Variants in SLC24A2 observed in about 807,000 individuals in gnomAD.
The protein encoded by SLC24A2 is solute carrier family 24 member 2, also known as sodium/potassium/calcium exchanger 2.
SLC24A2 carries 36 observed loss-of-function variants against 62.0 expected under a neutral mutation model. The observed-to-expected ratio is 0.58, with a 90% CI of 0.44 to 0.77. SLC24A2 has a LOEUF of 0.77. Among genes scored for constraint, SLC24A2 ranks in the 30% least tolerant of loss-of-function variants. The pLI, the probability that SLC24A2 is intolerant of heterozygous loss-of-function variation, is 0.00. For missense variants in SLC24A2, 846 were observed against 817.9 expected (o/e 1.03, Z -0.42); for synonymous variants, 358 against 294.0 (o/e 1.22, Z -2.23).
the SLC24A2 span, among the ~76,000 whole-genome samples, chr9:20,286,760 T>C: frequency 6.6e-6 from 1 of 152,144 alleles, no homozygotes; most frequent in Non-Finnish European, 1.5e-5. Context: ...TTGATAATAA[T>C]GCCAGGACAG....
At chr9:19,690,918 TGAGA>T (rs3086331) in intron 2 of SLC24A2, among the ~76,000 whole-genome samples, 57,174 of 150,968 alleles carry the variant, frequency 0.38, 13,099 homozygotes, top group East Asian at 0.73. Context: ...TGTGTGCGTG[TGAGA>T]GAGAGAGAGA....
chr9:20,081,468 G>A, the SLC24A2 span, among the ~76,000 whole-genome samples: 16 of 123,228 alleles, frequency 1.3e-4, no homozygotes, highest in Non-Finnish European at 3.3e-5. Flanking sequence ...TCAGACACTG[G>A]GGCTTGTTGA....
intron 2 of SLC24A2, among the ~76,000 whole-genome samples, chr9:19,659,944 C>T (rs910295906): frequency 6.6e-6 from 1 of 152,148 alleles, no homozygotes; most frequent in African/African-American, 2.4e-5. Flanking sequence ...CTGGACAGTA[C>T]CCTCATTTTT....
At chr9:19,793,828 C>T (rs903321500), upstream of SLC24A2, among the ~76,000 whole-genome samples, 1 of 152,186 alleles carries the variant, frequency 6.6e-6, no homozygotes, top group African/African-American at 2.4e-5. Flanking sequence ...TAGATTTCTT[C>T]TACCAACAGC....
At chr9:20,026,481 G>A in the SLC24A2 span, among the ~76,000 whole-genome samples, 12 of 152,148 alleles carry the variant, frequency 7.9e-5, no homozygotes, top group Non-Finnish European at 1.5e-4. Context: ...CTCTTTAAGA[G>A]AGGAAATAAA....
the SLC24A2 span, among the ~76,000 whole-genome samples, chr9:19,880,470 C>T: frequency 0.83 from 126,754 of 152,140 alleles, 53,964 homozygotes; most frequent in Non-Finnish European, 0.94. Context: ...GTCATGGCCA[C>T]GGAAGTGGGG....
At chr9:19,840,548 ACAGATATTC>A in the SLC24A2 span, among the ~76,000 whole-genome samples, 206 of 152,348 alleles carry the variant, frequency 1.4e-3, 1 homozygote, top group Non-Finnish European at 2.7e-3. Flanking sequence ...GGTTTAATGA[ACAGATATTC>A]ATCAAATTGG....
the SLC24A2 span, among the ~76,000 whole-genome samples, chr9:19,802,372 G>C: frequency 3.2e-3 from 489 of 152,136 alleles, 1 homozygote; most frequent in African/African-American, 0.011. Context: ...ATATTATATT[G>C]TTTTAAAAAT....
At chr9:20,013,911 CA>C in the SLC24A2 span, among the ~76,000 whole-genome samples, 1 of 152,066 alleles carries the variant, frequency 6.6e-6, no homozygotes, top group Non-Finnish European at 1.5e-5. Context: ...TGGTGTTTAT[CA>C]AAAAGATAAA....
chr9:19,525,829 T>C (rs75354517), intron 9 of SLC24A2, among the ~76,000 whole-genome samples: 3,770 of 151,478 alleles, frequency 0.025, 156 homozygotes, highest in African/African-American at 0.088. Flanking sequence ...CTTGGATTAG[T>C]TTCAAACAAG....
chr9:19,864,215 G>T, the SLC24A2 span, among the ~76,000 whole-genome samples: 3 of 151,800 alleles, frequency 2.0e-5, no homozygotes, highest in African/African-American at 7.2e-5. Context: ...AGAAAAGCCT[G>T]ACTCAATGGT....
At chr9:19,835,115 A>C in the SLC24A2 span, among the ~76,000 whole-genome samples, 2 of 152,224 alleles carry the variant, frequency 1.3e-5, no homozygotes, top group Non-Finnish European at 2.9e-5. Context: ...CAGCCACTGC[A>C]AAAACATGCC....
chr9:20,201,492 G>C, the SLC24A2 span, among the ~76,000 whole-genome samples: 1 of 152,160 alleles, frequency 6.6e-6, no homozygotes. Flanking sequence ...TCGACAATTT[G>C]AGATAGAGAA....
At chr9:20,227,692 T>C in the SLC24A2 span, among the ~76,000 whole-genome samples, 7 of 152,112 alleles carry the variant, frequency 4.6e-5, no homozygotes, top group East Asian at 1.2e-3. Context: ...CAGAACAGTC[T>C]AGGCAGCCAA....
At chr9:20,048,733 C>G in the SLC24A2 span, among the ~76,000 whole-genome samples, 92 of 151,702 alleles carry the variant, frequency 6.1e-4, no homozygotes, top group Admixed American at 1.9e-3. Flanking sequence ...TCAAGTAATT[C>G]CTTTTAGTAC....
At chr9:20,288,184 C>A in the SLC24A2 span, among the ~76,000 whole-genome samples, 1 of 152,112 alleles carries the variant, frequency 6.6e-6, no homozygotes, top group South Asian at 2.1e-4. Flanking sequence ...ATCACCTGGG[C>A]AGGGGCAGGG....
At chr9:19,774,619 C>A (rs1822790275) in intron 2 of SLC24A2, among the ~76,000 whole-genome samples, 1 of 152,166 alleles carries the variant, frequency 6.6e-6, no homozygotes, top group Non-Finnish European at 1.5e-5. Context: ...AAAAACGGTG[C>A]TTCAGGTTTT....
At chr9:20,090,370 G>A in the SLC24A2 span, among the ~76,000 whole-genome samples, 5 of 152,142 alleles carry the variant, frequency 3.3e-5, no homozygotes, top group African/African-American at 7.2e-5. Flanking sequence ...CAGAGCTGTC[G>A]TGGGTAGCCT....
At chr9:19,794,596 T>TA in the SLC24A2 span, among the ~76,000 whole-genome samples, 99,118 of 143,970 alleles carry the variant, frequency 0.69, 37,095 homozygotes, top group Middle Eastern at 0.89. Context: ...GTTGGAAAGT[T>TA]AAAAAAAAAA....
Sources: allele counts gnomAD v4.1 joint callset (sites outside exome capture counted in the v4.1 genomes callset), GRCh38; gene constraint gnomAD v4.1.1; transcripts MANE v1.5; gene names NCBI Gene and HGNC (gene_info 2026-07-23, HGNC 2026-07-21).